The following PNPLA6 variants were observed in gnomAD, a reference collection of about 807,000 sequenced individuals.
PNPLA6 encodes patatin-like phospholipase domain-containing protein 6.
A neutral mutation model predicts 153.7 loss-of-function variants in PNPLA6; 105 were observed. The observed-to-expected ratio is 0.68, with a 90% confidence interval of 0.58 to 0.80. The LOEUF (loss-of-function observed/expected upper bound fraction) is 0.80, where lower values mean the gene tolerates loss of function less well. Ranked by LOEUF, PNPLA6 falls within the 30% of genes least tolerant of loss-of-function variation. PNPLA6 has a pLI of 0.00. For missense variants in PNPLA6, 1,423 were observed against 1,919.3 expected (o/e 0.74, Z 4.83); for synonymous variants, 825 against 822.2 (o/e 1.00, Z -0.06).
intron 18 of PNPLA6, among the ~76,000 whole-genome samples, chr19:7,553,049 C>T (rs1458697605): frequency 8.2e-6 from 1 of 121,362 alleles, no homozygotes; most frequent in Non-Finnish European, 1.7e-5. Flanking sequence ...GGGTAAGTCA[C>T]ATAGGGGCTA....
chr19:7,540,192 C>A lies in PNPLA6; in HGVS notation c.598C>A (p.Arg200Ser). The A allele has an allele frequency of 6.2e-7, 1 of 1,610,842 alleles. No individual in the cohort carries two copies. ...FEKPLFLELC[R>S]HMVFQRLGQG... ...GAAGCCACTCTTCCTGGAGCTCTGC[C>A]GCCACATGGTCTTCCAGCGGCTGGG... The change falls in exon 5 of 32, where the codon CGC (arginine) becomes AGC (serine). Residue 200 changes from arginine (R) to serine (S), a missense_variant. Coordinates refer to ENST00000600737, the MANE Select transcript of PNPLA6 (RefSeq NM_001166114.2). The surrounding 1 kb of genome is among the most constrained non-coding windows in gnomAD (Gnocchi z 6.8).
chr19:7,556,995 G>A (rs766478679), intron 26 of PNPLA6, 173 bp from the exon 27 acceptor site: 20 of 745,614 alleles, frequency 2.7e-5, no homozygotes, highest in Non-Finnish European at 4.4e-5. Flanking sequence ...CCGGGCCAGC[G>A]CCTCCTACTG....
chr19:7,541,313 A>T lies in PNPLA6; in HGVS notation c.925-41A>T. 1 of 1,565,398 alleles carries T rather than the reference A, an allele frequency of 6.4e-7. No individual in the cohort carries two copies. Among genetic ancestry groups the T allele is most frequent in the South Asian group, 1.1e-5 (1 of 89,392 alleles). ...GGCCCACCATCTGGCCCTGCCCCTT[A>T]CCCCGCCCCATCTTATGGCCACGCC... On this transcript the variant is annotated intron_variant, in intron 7 of 31. Transcript: ENST00000600737. This position sits in a 1 kb window ranked among gnomAD's most constrained non-coding sequence, Gnocchi z 5.2.
intron 13 of PNPLA6, among the ~76,000 whole-genome samples, chr19:7,548,642 G>A (rs1391252217): frequency 6.6e-6 from 1 of 151,674 alleles, no homozygotes; most frequent in Admixed American, 6.6e-5. Flanking sequence ...GTCTGCGCAG[G>A]TGCAATTTTT....
At chr19:7,548,201 C>T (rs954785462) in intron 13 of PNPLA6, among the ~76,000 whole-genome samples, 7 of 151,704 alleles carry the variant, frequency 4.6e-5, no homozygotes, top group Non-Finnish European at 1.0e-4. Context: ...AAAAATTAGC[C>T]AGGCGTGTGG....
At position 7,550,616 on chromosome 19, in the gene PNPLA6, C is replaced by G; in HGVS notation, c.2046C>G (p.Tyr682Ter). 6.2e-7 allele frequency: 1 copy of G among 1,611,722 alleles called. No individual in the cohort carries two copies. The highest frequency in any genetic ancestry group is 8.5e-7 in the Non-Finnish European group (1 of 1,179,790). Residue 682 changes from tyrosine (Y) to a stop codon, truncating the protein, a stop_gained, in exon 16 of 32, where the codon TAC becomes TAG. Coordinates refer to ENST00000600737, the MANE Select transcript of PNPLA6 (RefSeq NM_001166114.2). LOFTEE classifies it high-confidence loss of function. ...GCAAGAAGGAGCTGGTGGGCGAGTACGGCCGCGGCGACCTCATCGGCGTGG... is the reference window on the plus strand; with the variant it reads ...GCAAGAAGGAGCTGGTGGGCGAGTAGGGCCGCGGCGACCTCATCGGCGTGG... ...GSGKKELVGE[Y>*]GRGDLIGVVE...
At position 7,561,007 on chromosome 19, in the gene PNPLA6, C is replaced by A; in HGVS notation, c.3817-7C>A. On this transcript the variant is annotated splice_region_variant and splice_polypyrimidine_tract_variant and intron_variant, in intron 29 of 31. Transcript: ENST00000600737. ...CCCCTAAGAGCCTCACCAGTGTCAC[C>A]CCACAGGTGCTTGCCTTCCCAAGCT... 1.2e-6 allele frequency: 2 copies of A among 1,600,758 alleles called. No individual in the cohort carries two copies. Among genetic ancestry groups the A allele is most frequent in the Non-Finnish European group, 1.7e-6 (2 of 1,171,098 alleles).
In PNPLA6 at chr19:7,551,038, G is replaced by C. The variant is rs769646919; in HGVS notation, c.2115G>C (p.Ala705=). ...TRQPRATTVH[A]VRDTELAKLP... ...AGCCGCGAGCCACGACGGTGCACGC[G>C]GTGCGCGACACGGAGCTGGCCAAGC... is the stretch of plus-strand genomic sequence containing the variant. Residue 705 remains alanine, a synonymous_variant, in exon 17 of 32, where the codon GCG becomes GCC. Coordinates refer to ENST00000600737, the MANE Select transcript of PNPLA6 (RefSeq NM_001166114.2). The C allele has an allele frequency of 1.0e-5, 16 of 1,549,480 alleles. 1 individual carries two copies. The highest frequency in any genetic ancestry group is 8.2e-5 in the African/African-American group (6 of 73,150).
chr19:7,542,701 G>A (rs771687876), intron 11 of PNPLA6, 31 bp downstream of exon 11: 60 of 1,611,852 alleles, frequency 3.7e-5, no homozygotes, highest in Non-Finnish European at 5.1e-5. Flanking sequence ...CGGTGGTGGA[G>A]CCCGCAGGGG....
In PNPLA6 at chr19:7,545,874, C is replaced by T. The variant is rs956851161; in HGVS notation, c.1608+2790C>T. Among the ~76,000 whole-genome samples, 3 of 142,502 alleles carry T rather than the reference C, an allele frequency of 2.1e-5. No individual in the cohort carries two copies. The East Asian group carries it at 6.1e-4, about 29-fold the overall frequency. 93.5% of individuals were successfully genotyped at this position (142,502 alleles called of 152,430 possible). ...GCAGTGAGCTGAGATCGCACCCCTG[C>T]ACTCCAGCCTGTGCAACAGAGTGAG... On this transcript the variant is annotated intron_variant, in intron 13 of 31. Coordinates refer to ENST00000600737, the MANE Select transcript of PNPLA6 (RefSeq NM_001166114.2).
chr19:7,554,696 G>C lies in PNPLA6; in HGVS notation c.2607G>C (p.Leu869=). ...RQADCILIVG[L]GDQEPTLGQL... is the part of the protein sequence containing the mutation. ...CCGACTGCATCCTCATTGTGGGCCT[G>C]GGGGACCAGGAGCCTACCCTCGGCC... Residue 869 remains leucine (L), a synonymous_variant, in exon 21 of 32, where the codon CTG becomes CTC. Coordinates refer to ENST00000600737, the MANE Select transcript of PNPLA6 (RefSeq NM_001166114.2). 6.2e-7 allele frequency: 1 copy of C among 1,613,570 alleles called. No individual in the cohort carries two copies. Among genetic ancestry groups the C allele is most frequent in the East Asian group, 2.2e-5 (1 of 44,864 alleles).
chr19:7,542,057 G>A lies in PNPLA6; in HGVS notation c.1242G>A (p.Gly414=), dbSNP rs1429541817. The A allele has an allele frequency of 6.2e-7, 1 of 1,605,924 alleles. No individual in the cohort carries two copies. Among genetic ancestry groups the A allele is most frequent in the Admixed American group, 1.7e-5 (1 of 60,008 alleles). ...TGAGCCGCTGCGTCTCCATGCCAGG[G>A]GACATCTCAGGTTTGGAGCACTGGG... The part of the protein sequence containing the change: ...PLLSRCVSMP[G]DISGLQGGPR... Residue 414 remains glycine, a synonymous_variant, in exon 10 of 32, where the codon GGG becomes GGA. Transcript: ENST00000600737.
At position 7,551,096 on chromosome 19, in the gene PNPLA6, C is replaced by T; in HGVS notation, c.2173C>T (p.Arg725Trp). 1.4e-6 allele frequency: 2 copies of T among 1,462,666 alleles called. No homozygotes were observed. Among genetic ancestry groups the T allele is most frequent in the Admixed American group, 2.1e-5 (1 of 47,944 alleles). The allele number at this position is 1,462,666 out of a possible 1,614,324, so 90.6% of individuals were successfully genotyped here. ...GGGCACCTTGGGTCACATCAAACGCCGGTACCCGCAGGTGCGGCCTGTTGT... is the reference window on the plus strand; with the variant it reads ...GGGCACCTTGGGTCACATCAAACGCTGGTACCCGCAGGTGCGGCCTGTTGT... ...PEGTLGHIKRRYPQVVTRLIH... is the reference protein window; with the variant it reads ...PEGTLGHIKRWYPQVVTRLIH... The change falls in exon 17 of 32, where the codon CGG becomes TGG. Residue 725 changes from arginine to tryptophan, a missense_variant. Coordinates refer to ENST00000600737, the MANE Select transcript of PNPLA6 (RefSeq NM_001166114.2).
Position 7,556,696 on chromosome 19 carries a change from C to T in PNPLA6, c.3252C>T (p.Thr1084=), listed in dbSNP as rs151001271. The T allele has an allele frequency of 7.5e-4, 1,213 of 1,613,806 alleles. 1 individual carries two copies. Among genetic ancestry groups the T allele is most frequent in the Non-Finnish European group, 9.7e-4 (1,141 of 1,179,716 alleles). Residue 1084 remains threonine (T), a synonymous_variant, in exon 26 of 32, where the codon ACC becomes ACT. Transcript: ENST00000600737. The part of the protein sequence containing the change: ...LPYFNVTTDI[T]ASAMRVHKDG... ...ACTTCAACGTGACCACAGATATCAC[C>T]GCCTCAGCCATGCGAGTCCACAAAG...
chr19:7,542,837 G>A lies in PNPLA6; in HGVS notation c.1439G>A (p.Gly480Asp), dbSNP rs770866534. ...TACTGTGAGGATGAGTCGGCCACTG[G>A]TGGCTGCCCTTTCGGGCCCTACCAG... ...YSYCEDESATGGCPFGPYQGR... is the reference protein window; with the variant it reads ...YSYCEDESATDGCPFGPYQGR... Residue 480 changes from glycine (G) to aspartate (D), a missense_variant, in exon 12 of 32, where the codon GGT becomes GAT. Gly to Asp is a moderately conservative substitution (Grantham distance 94). Around this residue, in one of 10 missense-constraint regions of PNPLA6, gnomAD observed 267 missense variants for 255.1 expected, o/e 1.05. Transcript: ENST00000600737. 1.9e-6 allele frequency: 3 copies of A among 1,613,034 alleles called. No homozygotes were observed. Among genetic ancestry groups the A allele is most frequent in the Non-Finnish European group, 2.5e-6 (3 of 1,179,886 alleles).
chr19:7,559,211 A>C, intron 28 of PNPLA6, 60 bp downstream of exon 28: 1 of 1,464,810 alleles, frequency 6.8e-7, no homozygotes, highest in Non-Finnish European at 9.6e-7. Context: ...TTTGCTACTT[A>C]AAGCCCAGAG....
In PNPLA6 at chr19:7,551,699, C is replaced by G. The variant is rs557596; in HGVS notation, c.2260+262C>G. Among the ~76,000 whole-genome samples, 4 of 151,962 alleles carry G rather than the reference C, an allele frequency of 2.6e-5. No homozygotes were observed. Among genetic ancestry groups the G allele is most frequent in the Admixed American group, 2.6e-4 (4 of 15,262 alleles). On this transcript the variant is annotated intron_variant, in intron 18 of 31. Coordinates refer to ENST00000600737, the MANE Select transcript of PNPLA6 (RefSeq NM_001166114.2). ...GGGCTCGAAAGTAAATCAGTGGTGC[C>G]GGGGAGGGAGTCTTAGGCGGTGGAC... is the stretch of plus-strand genomic sequence containing the variant.
rs201897212 is a variant in PNPLA6 at position 7,555,073 on chromosome 19, C to T, written c.2815C>T (p.Leu939=). The T allele has an allele frequency of 7.5e-6, 12 of 1,593,652 alleles. No individual in the cohort carries two copies. The East Asian group carries it at 2.7e-4, about 36-fold the overall frequency. The change falls in exon 22 of 32, where the codon CTG becomes TTG. Residue 939 remains leucine, a splice_region_variant and synonymous_variant. Coordinates refer to ENST00000600737, the MANE Select transcript of PNPLA6 (RefSeq NM_001166114.2). This position sits in a 1 kb window ranked among gnomAD's most constrained non-coding sequence, Gnocchi z 6.3. ...RLFSRRSPAK[L]HELYEKVFSR... is the part of the protein sequence containing the mutation. ...CTTTTCGCGCCGCAGCCCTGCCAAG[C>T]TGGTGAGGAGCGGGCCGGCCCCCAC...
upstream of PNPLA6, chr19:7,535,638 C>A: frequency 1.3e-6 from 2 of 1,568,300 alleles, no homozygotes; most frequent in Non-Finnish European, 1.7e-6. The surrounding 1 kb of genome is among the most constrained non-coding windows in gnomAD (Gnocchi z 5.0). Context: ...GACTACAACT[C>A]CCGGCGTGCT....
Sources: allele counts gnomAD v4.1 joint callset (sites outside exome capture counted in the v4.1 genomes callset), GRCh38; gene constraint gnomAD v4.1.1; regional missense constraint gnomAD v4.1.1; non-coding constraint Gnocchi (gnomAD v3.1); transcripts MANE v1.5; gene names NCBI Gene and HGNC (gene_info 2026-07-23, HGNC 2026-07-21).